Variants in CDH22 observed in about 807,000 individuals in gnomAD.
CDH22 encodes cadherin 22.
Under a neutral mutation model 58.4 loss-of-function variants are expected in CDH22, and 30 were observed. That is an observed-to-expected ratio of 0.51 (90% CI 0.38 to 0.70). The LOEUF (loss-of-function observed/expected upper bound fraction) is 0.70. Ranked by LOEUF, CDH22 falls within the 30% of genes least tolerant of loss-of-function variation. CDH22 has a pLI of 0.00. For missense variants in CDH22, 1,014 were observed against 1,233.9 expected (o/e 0.82, Z 2.67); for synonymous variants, 513 against 558.2 (o/e 0.92, Z 1.14).
intron 4 of CDH22, among the ~76,000 whole-genome samples, chr20:46,226,231 C>CCTTCTTCTTCCTCTT (rs2086170127): frequency 1.2e-5 from 1 of 86,540 alleles, no homozygotes; most frequent in East Asian, 3.0e-4. Flanking sequence ...TCTGGCAACA[C>CCTTCTTCTTCCTCTT]CTTCTTCTTC....
intron 3 of CDH22, among the ~76,000 whole-genome samples, chr20:46,236,494 T>C (rs2145721418): frequency 7.1e-6 from 1 of 141,578 alleles, no homozygotes; most frequent in African/African-American, 2.6e-5. Flanking sequence ...TCTATATAAA[T>C]ATATAGATAT....
intron 7 of CDH22, among the ~76,000 whole-genome samples, chr20:46,202,007 C>T (rs979527269): frequency 3.3e-5 from 5 of 152,122 alleles, no homozygotes; most frequent in African/African-American, 9.7e-5. Flanking sequence ...GAAGAGGTCT[C>T]GGTCAGGCAT....
At chr20:46,292,916 TTGTGTG>T (rs74176860) in intron 1 of CDH22, among the ~76,000 whole-genome samples, 47 of 143,920 alleles carry the variant, frequency 3.3e-4, no homozygotes, top group East Asian at 3.1e-3. Flanking sequence ...CAGCCACTGG[TTGTGTG>T]TGTGTGTGTG....
At chr20:46,246,950 A>G (rs1444224432) in intron 2 of CDH22, among the ~76,000 whole-genome samples, 3 of 150,928 alleles carry the variant, frequency 2.0e-5, no homozygotes, top group African/African-American at 7.3e-5. Flanking sequence ...AAGCACTCGT[A>G]CATACGAGGG....
intron 8 of CDH22, among the ~76,000 whole-genome samples, chr20:46,194,928 C>T (rs1206238713): frequency 6.6e-6 from 1 of 152,132 alleles, no homozygotes; most frequent in Non-Finnish European, 1.5e-5. Flanking sequence ...TGGGGTTTCA[C>T]CATGTTGGCC....
intron 8 of CDH22, among the ~76,000 whole-genome samples, chr20:46,198,323 CACACACACAT>C (rs1309785671): frequency 4.0e-5 from 6 of 151,082 alleles, no homozygotes; most frequent in East Asian, 3.9e-4. Flanking sequence ...CACACACACA[CACACACACAT>C]ATTCTTCCAG....
intron 3 of CDH22, among the ~76,000 whole-genome samples, chr20:46,236,849 A>C (rs1057082798): frequency 3.0e-4 from 45 of 151,514 alleles, no homozygotes; most frequent in African/African-American, 1.1e-3. Context: ...ATGCCACCAT[A>C]CCTGGCTAAT....
chr20:46,194,921 G>T (rs978200640), intron 8 of CDH22, among the ~76,000 whole-genome samples: 4 of 152,052 alleles, frequency 2.6e-5, no homozygotes, highest in Admixed American at 2.0e-4. Flanking sequence ...GTAGAGATGG[G>T]GTTTCACCAT....
intron 1 of CDH22, among the ~76,000 whole-genome samples, chr20:46,307,100 C>T (rs1428141918): frequency 2.0e-5 from 3 of 152,160 alleles, no homozygotes; most frequent in Non-Finnish European, 4.4e-5. Context: ...TGGAATCAGC[C>T]CCACGGAAAA....
chr20:46,227,516 G>T lies in CDH22; in HGVS notation c.662C>A (p.Pro221His). 1 of 1,604,314 alleles carries T rather than the reference G, an allele frequency of 6.2e-7. No individual in the cohort carries two copies. The highest frequency in any genetic ancestry group is 8.5e-7 in the Non-Finnish European group (1 of 1,177,414). ...CCCGCCCTGCCCCTCACCGGTCTTG[G>T]GGTCCACGGTGAAGTGGTGCTCGCC... is the stretch of plus-strand genomic sequence containing the variant. ...LDGEHHFTVDPKTGVIRTAVP... is the reference protein window; with the variant it reads ...LDGEHHFTVDHKTGVIRTAVP... Residue 221 changes from proline (P) to histidine (H), a missense_variant, in exon 4 of 12, where the codon CCC (proline) becomes CAC (histidine). Around this residue, in one of 2 missense-constraint regions of CDH22, gnomAD observed 806 missense variants for 1,038.7 expected, o/e 0.78. Transcript: ENST00000537909.
At chr20:46,235,065 G>A (rs182125004) in intron 3 of CDH22, among the ~76,000 whole-genome samples, 4 of 152,380 alleles carry the variant, frequency 2.6e-5, no homozygotes, top group Admixed American at 2.0e-4. Context: ...TATAATGGGT[G>A]CTAATAAACA....
At chr20:46,196,826 A>G (rs1398734491) in intron 8 of CDH22, among the ~76,000 whole-genome samples, 1 of 152,204 alleles carries the variant, frequency 6.6e-6, no homozygotes, top group Non-Finnish European at 1.5e-5. Flanking sequence ...CCATCAACTG[A>G]GCACTTACTA....
intron 1 of CDH22, among the ~76,000 whole-genome samples, chr20:46,298,865 C>A (rs183701999): frequency 2.0e-5 from 3 of 152,290 alleles, no homozygotes; most frequent in Non-Finnish European, 4.4e-5. Context: ...CTCCCACAAC[C>A]AAGCAGCTCT....
rs568970672 is a variant in CDH22, at chr20:46,298,640, GTGGATGGATGGA to G, written c.-400+9603_-400+9614del. Among the ~76,000 whole-genome samples, 20 of 152,070 alleles carry G rather than the reference GTGGATGGATGGA, an allele frequency of 1.3e-4. No homozygotes were observed. In the South Asian group the frequency reaches 4.0e-3, roughly 30 times the overall value. ...GATAAATGGATGGATTGATGAATGG[GTGGATGGATGGA>G]TGGATGGATGGGTGGGTGGATGGAT... On this transcript the variant is annotated intron_variant, in intron 1 of 11. Coordinates refer to ENST00000537909, the MANE Select transcript of CDH22 (RefSeq NM_021248.3).
chr20:46,210,184 C>G lies in CDH22; in HGVS notation c.1286+123G>C. On this transcript the variant is annotated intron_variant, in intron 7 of 11. Coordinates refer to ENST00000537909, the MANE Select transcript of CDH22 (RefSeq NM_021248.3). The surrounding 1 kb of genome is among the most constrained non-coding windows in gnomAD (Gnocchi z 4.5). ...TGCGCCTCTCTCCGCGCCTCCCTCC[C>G]CCACGCAGCCCCTTCCTTCGGCCCT... 9.6e-7 allele frequency: 1 copy of G among 1,046,304 alleles called. No homozygotes were observed. The highest frequency in any genetic ancestry group is 1.3e-6 in the Non-Finnish European group (1 of 790,346). The allele number at this position is 1,046,304 out of a possible 1,614,324, so 64.8% of individuals were successfully genotyped here.
At chr20:46,229,504 G>A (rs79748406) in intron 3 of CDH22, among the ~76,000 whole-genome samples, 4,120 of 152,236 alleles carry the variant, frequency 0.027, 73 homozygotes, top group Non-Finnish European at 0.042. Flanking sequence ...CTTATTAGAA[G>A]TTTGACCTTG....
At chr20:46,256,718 G>A (rs2086408376) in intron 1 of CDH22, among the ~76,000 whole-genome samples, 1 of 152,158 alleles carries the variant, frequency 6.6e-6, no homozygotes. Flanking sequence ...AGATCATTCC[G>A]GGCTGGGTGC....
chr20:46,248,556 C>T (rs1019986787), intron 2 of CDH22, among the ~76,000 whole-genome samples: 93 of 152,270 alleles, frequency 6.1e-4, no homozygotes, highest in Admixed American at 3.3e-3. Context: ...GGTGTAGTGG[C>T]TGACTTCTGT....
intron 1 of CDH22, among the ~76,000 whole-genome samples, chr20:46,277,947 G>T (rs2086528555): frequency 6.6e-6 from 1 of 151,952 alleles, no homozygotes; most frequent in Admixed American, 6.6e-5. Flanking sequence ...AGAGAGTTGG[G>T]TGTGCTCAGT....
Sources: allele counts gnomAD v4.1 joint callset (sites outside exome capture counted in the v4.1 genomes callset), GRCh38; gene constraint gnomAD v4.1.1; regional missense constraint gnomAD v4.1.1; non-coding constraint Gnocchi (gnomAD v3.1); transcripts MANE v1.5; gene names NCBI Gene and HGNC (gene_info 2026-07-23, HGNC 2026-07-21).